The following LRP6 variants were observed in gnomAD, a reference collection of about 807,000 sequenced individuals.
LRP6 encodes low-density lipoprotein receptor-related protein 6.
LRP6 carries 43 observed loss-of-function variants against 184.1 expected under a neutral mutation model. That is an observed-to-expected ratio of 0.23 (90% CI 0.18 to 0.30). The LOEUF (loss-of-function observed/expected upper bound fraction) is 0.30. Ranked by LOEUF, LRP6 falls within the 10% of genes least tolerant of loss-of-function variation. The pLI, the probability that LRP6 is intolerant of heterozygous loss-of-function variation, is 1.00. For missense variants in LRP6, 1,571 were observed against 2,005.3 expected, an observed-to-expected ratio of 0.78 and a Z score of 4.14; for synonymous variants, 719 against 684.9, an observed-to-expected ratio of 1.05 and a Z score of -0.78.
chr12:12,226,583 G>C (rs1565677674), intron 2 of LRP6: 1 of 152,152 alleles, frequency 6.6e-6, no homozygotes, highest in Non-Finnish European at 1.5e-5. Context: ...TGAGGAATCT[G>C]AGCTTGGGAA....
chr12:12,219,070 G>A (rs1026006094), intron 2 of LRP6, among the ~76,000 whole-genome samples: 10 of 144,336 alleles, frequency 6.9e-5, no homozygotes, highest in East Asian at 2.1e-4. Flanking sequence ...AAATCGCACC[G>A]AGATCTCACC....
In LRP6 at chr12:12,179,931, G is replaced by C. The variant is rs768424745; in HGVS notation, c.1424C>G (p.Ala475Gly). The change falls in exon 7 of 23, where the codon GCT (alanine) becomes GGT (glycine). Residue 475 changes from alanine (A) to glycine (G), a missense_variant. Transcript: ENST00000261349. Reference protein sequence around the residue: ...WGEIPKIERAALDGSDRVVLV... With the variant: ...WGEIPKIERAGLDGSDRVVLV... ...TACTACACGGTCAGAACCATCCAGA[G>C]CTGCTCGCTCAATTTTCGGAATTTC... is the stretch of plus-strand genomic sequence containing the variant. The C allele has an allele frequency of 6.2e-7, 1 of 1,613,894 alleles. No homozygotes were observed. The highest frequency in any genetic ancestry group is 1.1e-5 in the South Asian group (1 of 91,072).
chr12:12,215,334 GA>G (rs1047905918), intron 2 of LRP6, among the ~76,000 whole-genome samples: 1 of 151,548 alleles, frequency 6.6e-6, no homozygotes, highest in Non-Finnish European at 1.5e-5. Flanking sequence ...CAGAAATAAT[GA>G]AAAAAAATAA....
Position 12,158,992 on chromosome 12 carries a change from C to T in LRP6, c.2628G>A (p.Val876=). Residue 876 remains valine (V), a synonymous_variant, in exon 12 of 23, where the codon GTG becomes GTA. Transcript: ENST00000261349. ...ATGAGTGAAAGACGAGGATGTCCAT[C>T]ACATAATCCAAATGGCCCTGAATGA... is the stretch of plus-strand genomic sequence containing the variant. ...RTIIQGHLDY[V]MDILVFHSSR... 1 of 1,614,216 alleles carries T rather than the reference C, an allele frequency of 6.2e-7. No individual in the cohort carries two copies. The highest frequency in any genetic ancestry group is 8.5e-7 in the Non-Finnish European group (1 of 1,180,036).
At chr12:12,125,249 T>C in intron 21 of LRP6, 47 bp downstream of exon 21, 1 of 1,607,720 alleles carries the variant, frequency 6.2e-7, no homozygotes, top group Non-Finnish European at 8.5e-7. Context: ...AGTTAAAAAA[T>C]CTAAGATCTT....
chr12:12,227,396 A>G (rs998499899), intron 2 of LRP6, among the ~76,000 whole-genome samples: 1 of 151,908 alleles, frequency 6.6e-6, no homozygotes, highest in Non-Finnish European at 1.5e-5. Flanking sequence ...GGTAAAATAA[A>G]AACTTTCTTT....
At chr12:12,190,622 A>G (rs1483580748) in intron 3 of LRP6, among the ~76,000 whole-genome samples, 1 of 152,134 alleles carries the variant, frequency 6.6e-6, no homozygotes, top group Non-Finnish European at 1.5e-5. Context: ...ATCCTTTATA[A>G]AACACCTGCA....
chr12:12,130,746 C>G lies in LRP6; in HGVS notation c.4081+37G>C. ...TAAGAAAAAAAATTGTTTAAATTCT[C>G]TGTTAAGAGTAATTTATAGATCTCA... On this transcript the variant is annotated intron_variant, in intron 19 of 22. Coordinates refer to ENST00000261349, the MANE Select transcript of LRP6 (RefSeq NM_002336.3). 3.8e-6 allele frequency: 5 copies of G among 1,303,972 alleles called. No homozygotes were observed. The South Asian group carries it at 5.9e-5, about 15-fold the overall frequency. The allele number at this position is 1,303,972 out of a possible 1,614,324, so 80.8% of individuals were successfully genotyped here. A position where few individuals can be genotyped will look rare whatever the true frequency, so the allele number is the denominator to read the frequency against.
chr12:12,210,169 G>A (rs1038143015), intron 2 of LRP6, among the ~76,000 whole-genome samples: 31 of 152,156 alleles, frequency 2.0e-4, no homozygotes, highest in African/African-American at 7.5e-4. Context: ...TGAGGGACTG[G>A]CTAGAGGAAG....
chr12:12,232,785 C>T (rs1864826411), intron 2 of LRP6, among the ~76,000 whole-genome samples: 1 of 151,980 alleles, frequency 6.6e-6, no homozygotes, highest in African/African-American at 2.4e-5. Flanking sequence ...CTAAAATAAT[C>T]AATAGATGAG....
At chr12:12,256,268 T>C (rs1417795967) in intron 1 of LRP6, among the ~76,000 whole-genome samples, 1 of 152,182 alleles carries the variant, frequency 6.6e-6, no homozygotes, top group Non-Finnish European at 1.5e-5. Flanking sequence ...GAACTTAAAA[T>C]ATTTTTTAGG....
intron 3 of LRP6, among the ~76,000 whole-genome samples, chr12:12,189,814 T>C (rs1043620915): frequency 2.0e-5 from 3 of 152,194 alleles, no homozygotes; most frequent in African/African-American, 7.2e-5. Flanking sequence ...ACACTAAATA[T>C]AAATGTCACT....
At chr12:12,265,599 A>G (rs1335038634) in intron 1 of LRP6, among the ~76,000 whole-genome samples, 1 of 152,212 alleles carries the variant, frequency 6.6e-6, no homozygotes, top group Non-Finnish European at 1.5e-5. Flanking sequence ...CCTGAAAAGA[A>G]CTTACTATGA....
intron 9 of LRP6, among the ~76,000 whole-genome samples, chr12:12,162,961 G>C (rs989256451): frequency 2.0e-5 from 3 of 152,028 alleles, no homozygotes; most frequent in Admixed American, 6.6e-5. Context: ...CAACAGTCCT[G>C]CAAGTATGGC....
intron 7 of LRP6, among the ~76,000 whole-genome samples, chr12:12,170,791 TCACACACACACACACA>T (rs10571241): frequency 2.2e-4 from 31 of 142,794 alleles, no homozygotes; most frequent in Non-Finnish European, 3.4e-4. Flanking sequence ...TAAAATTACT[TCACACACACACACACA>T]CACACACACA....
chr12:12,152,133 C>A (rs1950089699), intron 12 of LRP6, among the ~76,000 whole-genome samples: 1 of 152,058 alleles, frequency 6.6e-6, no homozygotes, highest in Non-Finnish European at 1.5e-5. Context: ...GTGCTGTTCC[C>A]ATAATAGTGA....
chr12:12,150,953 A>G lies in LRP6; in HGVS notation c.2877T>C (p.Leu959=). The change falls in exon 13 of 23, where the codon CTT becomes CTC. Residue 959 remains leucine, a synonymous_variant. Coordinates refer to ENST00000261349, the MANE Select transcript of LRP6 (RefSeq NM_002336.3). ...GGACATTCCGAAGGCTGTGGATGGGAAGGATGATGTCGGGGCTCTGTTGTT... is the reference window on the plus strand; with the variant it reads ...GGACATTCCGAAGGCTGTGGATGGGGAGGATGATGTCGGGGCTCTGTTGTT... ...IDEQQSPDII[L]PIHSLRNVRA... is the part of the protein sequence containing the mutation. The G allele has an allele frequency of 6.2e-7, 1 of 1,614,136 alleles. No individual in the cohort carries two copies. Among genetic ancestry groups the G allele is most frequent in the South Asian group, 1.1e-5 (1 of 91,078 alleles).
chr12:12,172,284 T>C (rs139295925), intron 7 of LRP6, among the ~76,000 whole-genome samples: 7 of 152,318 alleles, frequency 4.6e-5, no homozygotes, highest in Admixed American at 3.3e-4. Flanking sequence ...GAATATAGGC[T>C]ACAAGAGGAA....
At chr12:12,256,158 A>G (rs2135938186) in intron 1 of LRP6, among the ~76,000 whole-genome samples, 1 of 152,352 alleles carries the variant, frequency 6.6e-6, no homozygotes, top group East Asian at 1.9e-4. Flanking sequence ...CTAGATATGA[A>G]TTTAGTAAAA....
Sources: allele counts gnomAD v4.1 joint callset (sites outside exome capture counted in the v4.1 genomes callset), GRCh38; gene constraint gnomAD v4.1.1; transcripts MANE v1.5; gene names NCBI Gene and HGNC (gene_info 2026-07-23, HGNC 2026-07-21).